Variants in CERS6 observed in about 807,000 individuals in gnomAD.
CERS6 encodes ceramide synthase 6, also known as LAG1 homolog, ceramide synthase 6.
A neutral mutation model predicts 56.8 loss-of-function variants in CERS6; 26 were observed. The observed-to-expected ratio is 0.46, with a 90% CI of 0.34 to 0.63. The LOEUF (loss-of-function observed/expected upper bound fraction) is 0.63. Among genes scored for constraint, CERS6 ranks in the 30% least tolerant of loss-of-function variants. The pLI, the probability that CERS6 is intolerant of heterozygous loss-of-function variation, is 0.01. For synonymous variants in CERS6, 164 were observed against 173.3 expected (o/e 0.95, Z 0.42); for missense variants, 415 against 467.5 (o/e 0.89, Z 1.04).
chr2:168,507,497 G>A (rs1005751199), intron 1 of CERS6, among the ~76,000 whole-genome samples: 5 of 152,144 alleles, frequency 3.3e-5, no homozygotes, highest in African/African-American at 1.2e-4. Context: ...GCTCAAAAAT[G>A]ATGCTGTGTT....
chr2:168,558,686 A>G (rs6736477), intron 2 of CERS6, among the ~76,000 whole-genome samples: 151,072 of 151,660 alleles, frequency 1, 75,245 homozygotes, highest in Middle Eastern at 1. Flanking sequence ...TGGCTAACAC[A>G]GTGAAACCCC....
At chr2:168,516,392 T>C (rs904199261) in intron 1 of CERS6, among the ~76,000 whole-genome samples, 2 of 152,168 alleles carry the variant, frequency 1.3e-5, no homozygotes, top group African/African-American at 2.4e-5. Flanking sequence ...TTATTTGATG[T>C]CAGTAATAAT....
intron 4 of CERS6, among the ~76,000 whole-genome samples, chr2:168,658,165 C>A (rs114504639): frequency 6.6e-6 from 1 of 152,116 alleles, no homozygotes; most frequent in Non-Finnish European, 1.5e-5. Flanking sequence ...ATTGGACCTA[C>A]CTAAGAGCTT....
At chr2:168,649,045 T>G (rs6433086) in intron 4 of CERS6, among the ~76,000 whole-genome samples, 53,208 of 151,974 alleles carry the variant, frequency 0.35, 12,110 homozygotes, top group African/African-American at 0.64. Flanking sequence ...AATATCCTAA[T>G]ACAAATAATT....
chr2:168,717,746 G>C, intron 7 of CERS6, 126 bp from the exon 8 acceptor site: 1 of 605,360 alleles, frequency 1.7e-6, no homozygotes, highest in South Asian at 2.3e-5. Flanking sequence ...AGGCTGAAAT[G>C]CATAAAAATG....
At chr2:168,646,766 A>G (rs760685619) in intron 4 of CERS6, among the ~76,000 whole-genome samples, 7 of 152,202 alleles carry the variant, frequency 4.6e-5, no homozygotes, top group Non-Finnish European at 1.0e-4. Context: ...ATGGCTAGCC[A>G]GTTATCTCAG....
chr2:168,502,090 C>T (rs967080333), intron 1 of CERS6, among the ~76,000 whole-genome samples: 1 of 151,922 alleles, frequency 6.6e-6, no homozygotes, highest in Admixed American at 6.6e-5. Context: ...ACTGGGCCAA[C>T]ACATTGCGAA....
chr2:168,709,039 T>G (rs577585917), intron 6 of CERS6, among the ~76,000 whole-genome samples: 2 of 152,172 alleles, frequency 1.3e-5, no homozygotes, highest in African/African-American at 4.8e-5. Context: ...TTGATCATTG[T>G]GAAGGGAGTT....
intron 3 of CERS6, among the ~76,000 whole-genome samples, chr2:168,577,803 G>C (rs1018968629): frequency 6.6e-6 from 1 of 152,200 alleles, no homozygotes; most frequent in Admixed American, 6.5e-5. Flanking sequence ...GGAGGAGGAA[G>C]TATTAGCATT....
intron 1 of CERS6, among the ~76,000 whole-genome samples, chr2:168,520,025 A>G (rs1199407500): frequency 6.6e-6 from 1 of 152,206 alleles, no homozygotes; most frequent in East Asian, 1.9e-4. Flanking sequence ...CACATGGACT[A>G]AACTAATTTG....
intron 4 of CERS6, among the ~76,000 whole-genome samples, chr2:168,664,169 T>G (rs1685699927): frequency 6.6e-6 from 1 of 152,200 alleles, no homozygotes; most frequent in African/African-American, 2.4e-5. Flanking sequence ...CTGCCTTACT[T>G]GCAGCCAAGG....
chr2:168,643,819 C>T (rs561546339), intron 4 of CERS6, among the ~76,000 whole-genome samples: 5 of 152,198 alleles, frequency 3.3e-5, no homozygotes, highest in African/African-American at 7.2e-5. Context: ...CCTTTCTATA[C>T]GCCCGGATAA....
rs1686003112 is a variant in CERS6, at chr2:168,674,467, T to C, written c.466-16567T>C. ...GGCTTCTTGATACTAGTTTTGGCTT[T>C]TGGCTAGGAAGTTTGAGGGAGGGTG... is the stretch of plus-strand genomic sequence containing the variant. On this transcript the variant is annotated intron_variant, in intron 4 of 9. Coordinates refer to ENST00000305747, the MANE Select transcript of CERS6 (RefSeq NM_203463.3). Among the ~76,000 whole-genome samples, 7 of 152,210 alleles carry C rather than the reference T, an allele frequency of 4.6e-5. No homozygotes were observed. The South Asian group carries it at 1.4e-3, about 32-fold the overall frequency.
rs1553506475 is a variant in CERS6, at chr2:168,670,975, C to CG, written c.466-20059_466-20058insG. On this transcript the variant is annotated intron_variant, in intron 4 of 9. Transcript: ENST00000305747. ...GTGCTGGATACATGCTTCCCCCCCCCCCCCCAGACGGAAGCTTGCTCTGTT... is the reference window on the plus strand; with the variant it reads ...GTGCTGGATACATGCTTCCCCCCCCCGCCCCCAGACGGAAGCTTGCTCTGTT... 2.7e-4 allele frequency among the ~76,000 whole-genome samples: 19 copies of CG among 70,064 alleles called. 1 individual carries two copies. The highest frequency in any genetic ancestry group is 4.7e-3 in the Middle Eastern group (1 of 214). 46.0% of individuals were successfully genotyped at this position (70,064 alleles called of 152,430 possible). A position where few individuals can be genotyped will look rare whatever the true frequency, so the allele number is the denominator to read the frequency against.
rs938599620 is a variant in CERS6 at position 168,511,888 on chromosome 2, A to G, written c.171-35708A>G. On this transcript the variant is annotated intron_variant, in intron 1 of 9. Coordinates refer to ENST00000305747, the MANE Select transcript of CERS6 (RefSeq NM_203463.3). ...AAAGGTAGAAGCAACCCACTTGTCTATCAGTGGATGAATGGGTATACAAAA... is the reference window on the plus strand; with the variant it reads ...AAAGGTAGAAGCAACCCACTTGTCTGTCAGTGGATGAATGGGTATACAAAA... Among the ~76,000 whole-genome samples the G allele has an allele frequency of 1.3e-5, 2 of 152,150 alleles. 1 individual carries two copies. Among genetic ancestry groups the G allele is most frequent in the Non-Finnish European group, 2.9e-5 (2 of 68,032 alleles).
intron 1 of CERS6, among the ~76,000 whole-genome samples, chr2:168,527,075 A>G (rs764460890): frequency 1.8e-4 from 27 of 152,272 alleles, no homozygotes; most frequent in Non-Finnish European, 2.9e-4. Context: ...CTTCTTCCCT[A>G]TAGTTTCTGT....
At chr2:168,492,969 T>A (rs1208600943) in intron 1 of CERS6, among the ~76,000 whole-genome samples, 2 of 152,154 alleles carry the variant, frequency 1.3e-5, no homozygotes, top group African/African-American at 4.8e-5. Context: ...CCTCTTAATC[T>A]TCTTCTTTTT....
chr2:168,557,967 A>G (rs1695714164), intron 2 of CERS6, among the ~76,000 whole-genome samples: 1 of 152,222 alleles, frequency 6.6e-6, no homozygotes, highest in South Asian at 2.1e-4. Context: ...TCATGAAAAA[A>G]TAGGCAGTAG....
intron 4 of CERS6, among the ~76,000 whole-genome samples, chr2:168,683,605 C>T (rs1037848653): frequency 1.3e-5 from 2 of 152,186 alleles, no homozygotes; most frequent in African/African-American, 4.8e-5. Flanking sequence ...TGTTGACATT[C>T]TCACCGTTTC....
Sources: allele counts gnomAD v4.1 joint callset (sites outside exome capture counted in the v4.1 genomes callset), GRCh38; gene constraint gnomAD v4.1.1; transcripts MANE v1.5; gene names NCBI Gene and HGNC (gene_info 2026-07-23, HGNC 2026-07-21).